The following TAB3 variants were observed in gnomAD, a reference collection of about 807,000 sequenced individuals.
TAB3 encodes TGF-beta-activated kinase 1 and MAP3K7-binding protein 3.
TAB3 carries 18 observed loss-of-function variants against 48.1 expected under a neutral mutation model. The ratio of observed to expected loss-of-function variants is 0.37; its 90% CI spans 0.26 to 0.55. The LOEUF is 0.55. Among genes scored for constraint, TAB3 ranks in the 20% least tolerant of loss-of-function variants. TAB3 has a pLI of 0.78. For synonymous variants in TAB3, 185 were observed against 190.2 expected (o/e 0.97, Z 0.22); for missense variants, 414 against 549.8 (o/e 0.75, Z 2.47).
At chrX:30,859,762 G>T in intron 4 of TAB3, 84 bp from the exon 5 acceptor site, 1 of 430,255 alleles carries the variant, frequency 2.3e-6, no homozygotes, top group South Asian at 4.0e-5. Flanking sequence ...TCTCAGTAGT[G>T]GTGGCATCTC....
chrX:30,841,525 TAAAA>T (rs367789627), intron 9 of TAB3, among the ~76,000 whole-genome samples: 3 of 102,024 alleles, frequency 2.9e-5, no homozygotes, highest in African/African-American at 1.1e-4. Context: ...AACTTATAAA[TAAAA>T]AAAAAAACAC....
At chrX:30,838,467 T>C (rs1236157666) in intron 9 of TAB3, among the ~76,000 whole-genome samples, 2 of 112,246 alleles carry the variant, frequency 1.8e-5, no homozygotes, top group African/African-American at 3.2e-5. Flanking sequence ...CTAAGACTTC[T>C]GGATGCTCTT....
At chrX:30,838,095 G>A (rs1938296445) in intron 9 of TAB3, among the ~76,000 whole-genome samples, 2 of 111,358 alleles carry the variant, frequency 1.8e-5, no homozygotes, top group African/African-American at 6.5e-5. Flanking sequence ...CCTGAAGTTG[G>A]TTAGTCTAAG....
At chrX:30,860,575 C>G (rs1368701383) in intron 4 of TAB3, among the ~76,000 whole-genome samples, 1 of 111,254 alleles carries the variant, frequency 9.0e-6, no homozygotes, top group African/African-American at 3.3e-5. Context: ...TGAAACTAAT[C>G]ATGAGGAAAT....
chrX:30,837,905 C>T (rs780678127), intron 9 of TAB3, among the ~76,000 whole-genome samples: 12 of 112,177 alleles, frequency 1.1e-4, no homozygotes, highest in Non-Finnish European at 2.3e-4. Context: ...CCAGTTCTTC[C>T]AGCTCTGCCT....
intron 2 of TAB3, among the ~76,000 whole-genome samples, chrX:30,868,133 G>C (rs1450642909): frequency 9.7e-6 from 1 of 103,392 alleles, no homozygotes; most frequent in Non-Finnish European, 2.0e-5. Flanking sequence ...CTGGGCTCAA[G>C]TGATCCACCC....
chrX:30,852,813 G>A lies in TAB3; in HGVS notation c.1675C>T (p.Leu559Phe). 8.3e-7 allele frequency: 1 copy of A among 1,211,118 alleles called. No individual in the cohort carries two copies. Among genetic ancestry groups the A allele is most frequent in the Non-Finnish European group, 1.1e-6 (1 of 895,292 alleles). The change falls in exon 7 of 11, where the codon CTC (leucine) becomes TTC (phenylalanine). Residue 559 changes from leucine (L) to phenylalanine (F), a missense_variant. Transcript: ENST00000288422. The part of the protein sequence containing the change: ...GMEHDLMQRR[L>F]RRVSCTTAIP... ...GCAGTGGTGCAGCTGACTCTTCTGA[G>A]CCGTCTCTGCATCAGGTCATGCTCC...
At chrX:30,876,967 T>G (rs182767812) in intron 1 of TAB3, among the ~76,000 whole-genome samples, 157 of 110,804 alleles carry the variant, frequency 1.4e-3, no homozygotes, top group African/African-American at 4.6e-3. Flanking sequence ...AGAGACAGAA[T>G]GGGGCAGAGG....
chrX:30,838,308 C>T (rs1401844065), intron 9 of TAB3, among the ~76,000 whole-genome samples: 2 of 111,739 alleles, frequency 1.8e-5, no homozygotes, highest in Admixed American at 9.5e-5. Context: ...CTTTTAATTA[C>T]ACCATGTCTG....
In TAB3 at chrX:30,867,524, C is replaced by T. The variant is rs1939447461; in HGVS notation, c.-254G>A. 8.9e-6 allele frequency: 1 copy of T among 111,792 alleles called. No homozygotes were observed. The highest frequency in any genetic ancestry group is 1.9e-5 in the Non-Finnish European group (1 of 53,155). The allele number at this position is 111,792 out of a possible 1,213,427, so 9.2% of individuals were successfully genotyped here. ...TTATTCACATCTCCAGCTCTGAAAG[C>T]AACTTCTTTTCAGTAGTCTAGAAAT... On this transcript the variant is annotated 5_prime_UTR_variant, in exon 3 of 11. Coordinates refer to ENST00000288422, the MANE Select transcript of TAB3 (RefSeq NM_152787.5).
At chrX:30,859,924 TA>T (rs1304330851) in intron 4 of TAB3, among the ~76,000 whole-genome samples, 25 of 98,119 alleles carry the variant, frequency 2.5e-4, no homozygotes, top group East Asian at 2.5e-3. Flanking sequence ...CTCACCTATT[TA>T]AAAAAAAAAA....
intron 7 of TAB3, among the ~76,000 whole-genome samples, chrX:30,850,443 T>A (rs1938795290): frequency 9.0e-6 from 1 of 111,535 alleles, no homozygotes; most frequent in Non-Finnish European, 1.9e-5. Context: ...CCAGGTGCGG[T>A]GGCTCATGCC....
rs983844081 is a variant in TAB3, at chrX:30,829,983, A to G, written c.*1444T>C. ...TGTTTATACTCACCAAAATGAGGGG[A>G]AGATTCCAAAACTCCAATTCTGAGC... On this transcript the variant is annotated 3_prime_UTR_variant, in exon 11 of 11. Transcript: ENST00000288422. 1.8e-5 allele frequency: 2 copies of G among 110,937 alleles called. No individual in the cohort carries two copies. Among genetic ancestry groups the G allele is most frequent in the African/African-American group, 6.6e-5 (2 of 30,403 alleles). The allele number at this position is 110,937 out of a possible 1,213,427, so 9.1% of individuals were successfully genotyped here. A position where few individuals can be genotyped will look rare whatever the true frequency, so the allele number is the denominator to read the frequency against.
rs896034751 is a variant in TAB3 at position 30,842,997 on chromosome X, G to C, written c.1857C>G (p.Gly619=). The stretch of plus-strand genomic sequence containing the variant: ...TAGATGGCTTGGGTGGTACAACTGG[G>C]CCAGGTTCTATGTTGTCATAAAAAT... ...MNNFYDNIEP[G]PVVPPKPSKK... Residue 619 remains glycine (G), a synonymous_variant, in exon 9 of 11, where the codon GGC becomes GGG. Transcript: ENST00000288422. 8.4e-7 allele frequency: 1 copy of C among 1,187,652 alleles called. No homozygotes were observed.
chrX:30,866,922 T>TC (rs1181526950), intron 4 of TAB3, among the ~76,000 whole-genome samples, 193 bp downstream of exon 4: 2 of 108,308 alleles, frequency 1.8e-5, no homozygotes, highest in African/African-American at 6.7e-5. Context: ...ACAAACACGT[T>TC]CTCAGCCAGG....
chrX:30,846,434 T>C, intron 8 of TAB3, 117 bp downstream of exon 8: 2 of 494,331 alleles, frequency 4.0e-6, no homozygotes, highest in East Asian at 3.8e-5. Flanking sequence ...TTTCCCAGGA[T>C]TGTAATCTTA....
intron 1 of TAB3, among the ~76,000 whole-genome samples, chrX:30,874,282 C>T (rs1019724123): frequency 8.9e-6 from 1 of 112,175 alleles, no homozygotes; most frequent in African/African-American, 3.2e-5. Flanking sequence ...ATTATATGTG[C>T]TATTAAGAAC....
At chrX:30,847,754 T>C (rs1938678303) in intron 7 of TAB3, among the ~76,000 whole-genome samples, 1 of 111,596 alleles carries the variant, frequency 9.0e-6, no homozygotes, top group Non-Finnish European at 1.9e-5. Context: ...GCAGAAAGGA[T>C]ATCTTAATTC....
intron 4 of TAB3, among the ~76,000 whole-genome samples, chrX:30,862,458 A>G (rs900420676): frequency 1.8e-5 from 2 of 111,735 alleles, no homozygotes; most frequent in Non-Finnish European, 3.8e-5. Flanking sequence ...TTTATGAGCT[A>G]GAAGAAAAGG....
Sources: allele counts gnomAD v4.1 joint callset (sites outside exome capture counted in the v4.1 genomes callset), GRCh38; gene constraint gnomAD v4.1.1; transcripts MANE v1.5; gene names NCBI Gene and HGNC (gene_info 2026-07-23, HGNC 2026-07-21).